The following SH3RF3 variants were observed in gnomAD, a reference collection of about 807,000 sequenced individuals.
SH3RF3 encodes the protein E3 ubiquitin-protein ligase SH3RF3.
SH3RF3 carries 29 observed loss-of-function variants against 66.3 expected under a neutral mutation model. That is an observed-to-expected ratio of 0.44 (90% CI 0.33 to 0.60). The LOEUF (loss-of-function observed/expected upper bound fraction) is 0.60, where lower values mean the gene tolerates loss of function less well. SH3RF3 is among the 20% of genes least tolerant of loss of function. The pLI, the probability that SH3RF3 is intolerant of heterozygous loss-of-function variation, is 0.04. For synonymous variants in SH3RF3, 583 were observed against 532.0 expected (o/e 1.10, Z -1.32); for missense variants, 1,194 against 1,190.9 (o/e 1.00, Z -0.04).
intron 5 of SH3RF3, among the ~76,000 whole-genome samples, chr2:109,431,871 A>AG (rs2104567200): frequency 7.4e-6 from 1 of 134,764 alleles, no homozygotes; most frequent in African/African-American, 3.3e-5. Flanking sequence ...ATGCTGTTTC[A>AG]AAAAAAAAAA....
intron 1 of SH3RF3, among the ~76,000 whole-genome samples, chr2:109,327,503 T>A (rs9308812): frequency 1.3e-5 from 2 of 152,156 alleles, no homozygotes; most frequent in African/African-American, 4.8e-5. Context: ...AAGTACTTTG[T>A]CAAGTACTTG....
At chr2:109,141,228 T>G (rs1331021856) in intron 1 of SH3RF3, among the ~76,000 whole-genome samples, 3 of 152,188 alleles carry the variant, frequency 2.0e-5, no homozygotes, top group African/African-American at 7.2e-5. Flanking sequence ...TCAGGCTGTT[T>G]CAGTGACCCT....
chr2:109,194,233 G>A lies in SH3RF3; in HGVS notation c.573+64120G>A, dbSNP rs569119774. 1.5e-4 allele frequency among the ~76,000 whole-genome samples: 23 copies of A among 152,352 alleles called. 1 individual carries two copies. The East Asian group carries it at 4.4e-3, about 29-fold the overall frequency. ...GTGCAGACCACGTTTCAGGAACTTA[G>A]CATCCATCAGCCTCATGACACAGGT... On this transcript the variant is annotated intron_variant, in intron 1 of 9. Coordinates refer to ENST00000309415, the MANE Select transcript of SH3RF3 (RefSeq NM_001099289.3).
intron 1 of SH3RF3, among the ~76,000 whole-genome samples, chr2:109,231,726 T>A (rs1381481624): frequency 6.6e-6 from 1 of 152,238 alleles, no homozygotes; most frequent in East Asian, 1.9e-4. Context: ...TTACCGTGCA[T>A]GCTAAAAGAG....
intron 1 of SH3RF3, among the ~76,000 whole-genome samples, chr2:109,335,657 C>G (rs1448970362): frequency 1.3e-5 from 2 of 152,202 alleles, no homozygotes; most frequent in Non-Finnish European, 2.9e-5. Flanking sequence ...TGCTGTCCCC[C>G]TGGCTGGAAC....
At chr2:109,238,592 CA>C (rs1385687993) in intron 1 of SH3RF3, among the ~76,000 whole-genome samples, 1 of 151,772 alleles carries the variant, frequency 6.6e-6, no homozygotes, top group Non-Finnish European at 1.5e-5. Context: ...GACATTTTTT[CA>C]GGAATTCTTT....
intron 1 of SH3RF3, among the ~76,000 whole-genome samples, chr2:109,286,775 C>T (rs1013582421): frequency 6.6e-6 from 1 of 152,148 alleles, no homozygotes; most frequent in African/African-American, 2.4e-5. Flanking sequence ...GCAGAGTGGA[C>T]GCTGCCCCAT....
chr2:109,452,312 G>C (rs1018302507), intron 8 of SH3RF3, among the ~76,000 whole-genome samples: 1 of 152,054 alleles, frequency 6.6e-6, no homozygotes, highest in Non-Finnish European at 1.5e-5. Flanking sequence ...CACTAAACAG[G>C]CTTCCTAACT....
chr2:109,226,467 A>G (rs924438779), intron 1 of SH3RF3, among the ~76,000 whole-genome samples: 1 of 152,182 alleles, frequency 6.6e-6, no homozygotes. Context: ...TTAAGTAAGT[A>G]CCCTGCTGAC....
At chr2:109,229,045 C>A (rs1329593531) in intron 1 of SH3RF3, among the ~76,000 whole-genome samples, 1 of 152,152 alleles carries the variant, frequency 6.6e-6, no homozygotes, top group Non-Finnish European at 1.5e-5. Context: ...CATCACCCAG[C>A]AAATACCAAG....
intron 4 of SH3RF3, among the ~76,000 whole-genome samples, chr2:109,402,993 A>G (rs1489628565): frequency 1.3e-5 from 2 of 151,978 alleles, no homozygotes; most frequent in Admixed American, 6.5e-5. Flanking sequence ...GTTGATACAC[A>G]GTCAGGGTGG....
At chr2:109,179,886 G>A (rs1678034121) in intron 1 of SH3RF3, among the ~76,000 whole-genome samples, 1 of 152,160 alleles carries the variant, frequency 6.6e-6, no homozygotes, top group Non-Finnish European at 1.5e-5. Flanking sequence ...CTTATCGCAG[G>A]AAAATACAGG....
At chr2:109,501,224 G>C (rs1221049155) in intron 9 of SH3RF3, among the ~76,000 whole-genome samples, 1 of 152,194 alleles carries the variant, frequency 6.6e-6, no homozygotes, top group African/African-American at 2.4e-5. Context: ...GGGGGGCTGT[G>C]CTTGGGTGGA....
chr2:109,251,640 A>G lies in SH3RF3; in HGVS notation c.574-96034A>G, dbSNP rs970914858. The G allele has an allele frequency of 1.1e-4, 156 of 1,373,656 alleles. 3 individuals are homozygous for G. The highest frequency in any genetic ancestry group is 6.9e-4 in the South Asian group (60 of 86,342). 85.1% of individuals were successfully genotyped at this position (1,373,656 alleles called of 1,614,324 possible). ...GTATCATCATGTTAGAAGCCTTGGAACGAGTATAAATAATGGCTGTTCAGC... is the reference window on the plus strand; with the variant it reads ...GTATCATCATGTTAGAAGCCTTGGAGCGAGTATAAATAATGGCTGTTCAGC... On this transcript the variant is annotated intron_variant, in intron 1 of 9. Coordinates refer to ENST00000309415, the MANE Select transcript of SH3RF3 (RefSeq NM_001099289.3).
intron 1 of SH3RF3, among the ~76,000 whole-genome samples, chr2:109,142,293 T>C (rs959246234): frequency 2.0e-5 from 3 of 152,214 alleles, no homozygotes; most frequent in African/African-American, 7.2e-5. Flanking sequence ...TTCTCAGGAA[T>C]AGGTGTTTAC....
At position 109,129,610 on chromosome 2, in the gene SH3RF3, G is replaced by C; in HGVS notation, c.70G>C (p.Glu24Gln). 6.7e-7 allele frequency: 1 copy of C among 1,481,516 alleles called. No homozygotes were observed. Among genetic ancestry groups the C allele is most frequent in the Non-Finnish European group, 8.9e-7 (1 of 1,125,144 alleles). 91.8% of individuals were successfully genotyped at this position (1,481,516 alleles called of 1,614,324 possible). A position where few individuals can be genotyped will look rare whatever the true frequency, so the allele number is the denominator to read the frequency against. ...CGCTGCTGCGCAGAGCGAGGGCGAC[G>C]AGGACAGGCCAGGCGAGCGACGGCG... ...AAAAAQSEGD[E>Q]DRPGERRRRR... The change falls in exon 1 of 10, where the codon GAG becomes CAG. Residue 24 changes from glutamate (E) to glutamine (Q), a missense_variant. By Grantham distance (29) the Glu-to-Gln change is conservative (BLOSUM62 2). Transcript: ENST00000309415.
At chr2:109,159,462 G>T (rs767648217) in intron 1 of SH3RF3, among the ~76,000 whole-genome samples, 1 of 152,226 alleles carries the variant, frequency 6.6e-6, no homozygotes, top group Non-Finnish European at 1.5e-5. Flanking sequence ...ATTTTAGTGG[G>T]GGAAGAATTG....
chr2:109,423,666 A>G (rs140241589), intron 5 of SH3RF3, among the ~76,000 whole-genome samples: 1,599 of 152,312 alleles, frequency 0.01, 27 homozygotes, highest in African/African-American at 0.032. Context: ...ACTGCCCCCA[A>G]GAGGTGTCTC....
intron 3 of SH3RF3, among the ~76,000 whole-genome samples, chr2:109,384,211 G>A (rs751610603): frequency 3.9e-5 from 6 of 152,170 alleles, no homozygotes; most frequent in Non-Finnish European, 7.4e-5. Context: ...CAGGCCCCGG[G>A]GATGCAGCCT....
Sources: gnomAD v4.1 joint callset for allele counts (sites outside exome capture counted in the v4.1 genomes callset) on GRCh38, gnomAD v4.1.1 for gene constraint, MANE v1.5 for transcripts, NCBI Gene and HGNC (gene_info 2026-07-23, HGNC 2026-07-21) for gene names.